The following MORC1 variants were observed in gnomAD, a reference collection of about 807,000 sequenced individuals.
MORC1 encodes the protein MORC family CW-type zinc finger protein 1.
In MORC1, 59 loss-of-function variants were observed where a neutral mutation model predicts 134.9. That is an observed-to-expected ratio of 0.44 (90% CI 0.35 to 0.54). The LOEUF (loss-of-function observed/expected upper bound fraction) is 0.54. Among genes scored for constraint, MORC1 ranks in the 20% least tolerant of loss-of-function variants. The pLI is 0.00. For synonymous variants in MORC1, 395 were observed against 391.7 expected, an observed-to-expected ratio of 1.01 and a Z score of -0.10; for missense variants, 947 against 1,134.5, an observed-to-expected ratio of 0.83 and a Z score of 2.37.
At chr3:109,007,348 C>A (rs1948565164) in intron 17 of MORC1, among the ~76,000 whole-genome samples, 1 of 152,198 alleles carries the variant, frequency 6.6e-6, no homozygotes, top group Non-Finnish European at 1.5e-5. Context: ...AGGCACTGCT[C>A]TGTTGAACTG....
chr3:109,036,805 C>A (rs1949390793), intron 14 of MORC1, among the ~76,000 whole-genome samples: 1 of 152,182 alleles, frequency 6.6e-6, no homozygotes, highest in South Asian at 2.1e-4. Flanking sequence ...AAATCCCCAG[C>A]TGCTCTTGCT....
chr3:108,959,344 G>A (rs916576948), intron 27 of MORC1, among the ~76,000 whole-genome samples: 10 of 152,144 alleles, frequency 6.6e-5, no homozygotes, highest in Non-Finnish European at 1.5e-4. Context: ...TGTAGTGGAA[G>A]TTAGTACAAC....
intron 21 of MORC1, among the ~76,000 whole-genome samples, chr3:108,995,985 G>C (rs1259453660): frequency 1.3e-5 from 2 of 152,152 alleles, no homozygotes; most frequent in African/African-American, 2.4e-5. Flanking sequence ...GTAGGGGACA[G>C]TTATGAAGGT....
chr3:108,984,044 T>C (rs755040587), intron 23 of MORC1, among the ~76,000 whole-genome samples: 3 of 152,088 alleles, frequency 2.0e-5, no homozygotes, highest in South Asian at 2.1e-4. Context: ...GTGATGAGGT[T>C]TGAGTGCTGG....
chr3:109,006,219 T>C (rs1460695216), intron 18 of MORC1, among the ~76,000 whole-genome samples: 1 of 152,200 alleles, frequency 6.6e-6, no homozygotes, highest in Non-Finnish European at 1.5e-5. Flanking sequence ...AATTCAGGTA[T>C]GTGGTGATCT....
intron 12 of MORC1, among the ~76,000 whole-genome samples, chr3:109,058,115 T>C (rs1201441020): frequency 6.6e-6 from 1 of 152,160 alleles, no homozygotes; most frequent in Non-Finnish European, 1.5e-5. Context: ...TAAAAACAGC[T>C]ATGGTAAGGA....
chr3:109,043,620 C>A (rs1949614244), intron 14 of MORC1, among the ~76,000 whole-genome samples: 1 of 152,018 alleles, frequency 6.6e-6, no homozygotes, highest in African/African-American at 2.4e-5. Flanking sequence ...ACAAAAGAGC[C>A]CTGCAGAAAT....
chr3:109,028,386 G>A (rs752540709), intron 16 of MORC1, among the ~76,000 whole-genome samples: 2 of 152,184 alleles, frequency 1.3e-5, no homozygotes, highest in Non-Finnish European at 2.9e-5. Context: ...TTCAGCAATA[G>A]CCTTGGGAGG....
chr3:109,095,882 G>C (rs368708482), intron 6 of MORC1, among the ~76,000 whole-genome samples: 1 of 152,112 alleles, frequency 6.6e-6, no homozygotes, highest in African/African-American at 2.4e-5. Context: ...AATCATAGCA[G>C]CCAGGCCCCA....
At chr3:109,105,686 A>C (rs1327444652) in intron 3 of MORC1, among the ~76,000 whole-genome samples, 1 of 152,152 alleles carries the variant, frequency 6.6e-6, no homozygotes, top group East Asian at 1.9e-4. Context: ...CTCAAAAAAA[A>C]AAAAAAAAGT....
At position 109,037,364 on chromosome 3, in the gene MORC1, C is replaced by T. The variant is rs72935358; in HGVS notation, c.1331-1896G>A. 7.0e-3 allele frequency among the ~76,000 whole-genome samples: 1,063 copies of T among 152,306 alleles called. 12 individuals carry two copies. The highest frequency in any genetic ancestry group is 0.023 in the African/African-American group (969 of 41,564). On this transcript the variant is annotated intron_variant, in intron 14 of 27. Transcript: ENST00000232603. ...TCATCTCATACTCTTCTTCTCTGTACACCAGCTCCTGATGTACTACTCCCT... is the reference window on the plus strand; with the variant it reads ...TCATCTCATACTCTTCTTCTCTGTATACCAGCTCCTGATGTACTACTCCCT...
chr3:108,987,110 A>G (rs1947914581), intron 21 of MORC1, among the ~76,000 whole-genome samples, 161 bp from the exon 22 acceptor site: 1 of 152,236 alleles, frequency 6.6e-6, no homozygotes, highest in Non-Finnish European at 1.5e-5. Context: ...TGGTACATGT[A>G]CAAAACGATA....
intron 10 of MORC1, among the ~76,000 whole-genome samples, chr3:109,062,777 A>C (rs1358406911): frequency 6.6e-6 from 1 of 152,128 alleles, no homozygotes. Context: ...TAAAATAGAG[A>C]CACAGTCTCG....
chr3:109,037,604 CCT>C (rs1352719849), intron 14 of MORC1, among the ~76,000 whole-genome samples: 5 of 152,176 alleles, frequency 3.3e-5, no homozygotes, highest in Non-Finnish European at 5.9e-5. Context: ...TCCCCCACCC[CCT>C]GACAGGCCCT....
intron 21 of MORC1, among the ~76,000 whole-genome samples, chr3:108,989,084 A>G (rs1262599700): frequency 6.6e-6 from 1 of 152,232 alleles, no homozygotes; most frequent in Non-Finnish European, 1.5e-5. Flanking sequence ...CTGATTTTAT[A>G]GGATGCTGCC....
intron 5 of MORC1, 142 bp from the exon 6 acceptor site, chr3:109,099,608 T>G: frequency 2.8e-6 from 1 of 356,854 alleles, no homozygotes; most frequent in South Asian, 6.7e-5. Context: ...GAGGGTACAA[T>G]TTTTTTTTTT....
intron 8 of MORC1, among the ~76,000 whole-genome samples, chr3:109,070,205 T>C (rs1485010393): frequency 6.6e-6 from 1 of 152,182 alleles, no homozygotes; most frequent in Non-Finnish European, 1.5e-5. Flanking sequence ...AAATGTTTCA[T>C]TTGCTTTCAA....
intron 16 of MORC1, 136 bp from the exon 17 acceptor site, chr3:109,028,025 T>C (rs1949127348): frequency 1.0e-6 from 1 of 952,672 alleles, no homozygotes; most frequent in African/African-American, 1.7e-5. Context: ...GGAAAAGCAT[T>C]GTATCCGTGG....
At chr3:108,973,595 G>GTTTTT (rs63198360) in intron 24 of MORC1, among the ~76,000 whole-genome samples, 13 of 77,902 alleles carry the variant, frequency 1.7e-4, no homozygotes, top group African/African-American at 4.8e-4. Flanking sequence ...CTTTGTTTTG[G>GTTTTT]TTTTTTTTTT....
Sources: allele counts gnomAD v4.1 joint callset (sites outside exome capture counted in the v4.1 genomes callset), GRCh38; gene constraint gnomAD v4.1.1; transcripts MANE v1.5; gene names NCBI Gene and HGNC (gene_info 2026-07-23, HGNC 2026-07-21).